Variants in SPRYD4 observed in about 807,000 individuals in gnomAD.
SPRYD4 encodes the protein SPRY domain containing 4.
Under a neutral mutation model 16.6 loss-of-function variants are expected in SPRYD4, and 12 were observed. That is an observed-to-expected ratio of 0.72 (90% CI 0.46 to 1.17). The LOEUF (loss-of-function observed/expected upper bound fraction) is 1.17, where lower values mean the gene tolerates loss of function less well. Among genes scored for constraint, SPRYD4 ranks in the 50% most tolerant of loss-of-function variants. SPRYD4 has a pLI of 0.00. For missense variants in SPRYD4, 260 were observed against 260.2 expected, an observed-to-expected ratio of 1.00 and a Z score of 0.00; for synonymous variants, 98 against 105.4, an observed-to-expected ratio of 0.93 and a Z score of 0.43.
rs1166734283 is a variant in SPRYD4, at chr12:56,472,975, T to G, written c.*3398T>G. Reference sequence around the variant, plus strand: ...CGCGGTCTTGGCTCACTGCAACCTCTGCCTCCCGGTTTCAAGCGATTCTCC... The same window carrying G: ...CGCGGTCTTGGCTCACTGCAACCTCGGCCTCCCGGTTTCAAGCGATTCTCC... On this transcript the variant is annotated 3_prime_UTR_variant, in exon 2 of 2. Transcript: ENST00000338146. 5.3e-6 allele frequency: 3 copies of G among 570,930 alleles called. No individual in the cohort carries two copies. Among genetic ancestry groups the G allele is most frequent in the Middle Eastern group, 4.7e-4 (1 of 2,132 alleles). The allele number at this position is 570,930 out of a possible 1,614,324, so 35.4% of individuals were successfully genotyped here.
rs997571511 is a variant in SPRYD4, at chr12:56,478,109, A to G, written c.*8532A>G. The G allele has an allele frequency of 6.2e-7, 1 of 1,614,044 alleles. No individual in the cohort carries two copies. The highest frequency in any genetic ancestry group is 8.5e-7 in the Non-Finnish European group (1 of 1,179,926). On this transcript the variant is annotated 3_prime_UTR_variant, in exon 2 of 2. Coordinates refer to ENST00000338146, the MANE Select transcript of SPRYD4 (RefSeq NM_207344.4). ...GCCCACAGAGTGCCTGGAGGCAGAC[A>G]GATGCCATGAAAGGGGTTGGCCTGT...
Position 56,469,466 on chromosome 12 carries a change from T to C in SPRYD4, c.513T>C (p.Ser171=), listed in dbSNP as rs1869145498. Residue 171 remains serine (S), a synonymous_variant, in exon 2 of 2, where the codon TCT becomes TCC. Transcript: ENST00000338146. ...GCCTGGTGGATGTGAGCCAGGTCTC[T>C]GTGGTTCACACGCTACAGACAGATT... is the stretch of plus-strand genomic sequence containing the variant. ...KLSLVDVSQV[S]VVHTLQTDFR... 9 of 1,613,974 alleles carry C rather than the reference T, an allele frequency of 5.6e-6. No individual in the cohort carries two copies. The highest frequency in any genetic ancestry group is 7.6e-6 in the Non-Finnish European group (9 of 1,179,996).
chr12:56,474,600 G>C lies in SPRYD4; in HGVS notation c.*5023G>C, dbSNP rs756449076. The C allele has an allele frequency of 5.6e-6, 9 of 1,614,200 alleles. No homozygotes were observed. The highest frequency in any genetic ancestry group is 8.5e-7 in the Non-Finnish European group (1 of 1,180,050). ...ATGCCGCAGGAATGCATGAGGCTGA[G>C]GGTGTTGCGCACTGCTTCAGCACTC... On this transcript the variant is annotated 3_prime_UTR_variant, in exon 2 of 2. Coordinates refer to ENST00000338146, the MANE Select transcript of SPRYD4 (RefSeq NM_207344.4).
Position 56,472,211 on chromosome 12 carries a change from A to C in SPRYD4, c.*2634A>C, listed in dbSNP as rs775978486. 1.9e-6 allele frequency: 3 copies of C among 1,612,858 alleles called. No individual in the cohort carries two copies. In the South Asian group the frequency reaches 3.3e-5, roughly 18 times the overall value. On this transcript the variant is annotated 3_prime_UTR_variant, in exon 2 of 2. Transcript: ENST00000338146. ...CAAGGCAAACCTGAGGGTAGTGGGA[A>C]AGCAGCTAGAGTTGCCTAGATCAGA...
At position 56,474,097 on chromosome 12, in the gene SPRYD4, T is replaced by C. The variant is rs974226399; in HGVS notation, c.*4520T>C. On this transcript the variant is annotated 3_prime_UTR_variant, in exon 2 of 2. Coordinates refer to ENST00000338146, the MANE Select transcript of SPRYD4 (RefSeq NM_207344.4). ...CTCTGGTTGTTTTTCTTTTTCTTTT[T>C]TTCTTTTTTTTTGAGATGGAGTTTT... 3 of 96,584 alleles carry C rather than the reference T, an allele frequency of 3.1e-5. No individual in the cohort carries two copies. The highest frequency in any genetic ancestry group is 6.9e-5 in the Non-Finnish European group (3 of 43,356). The allele number at this position is 96,584 out of a possible 1,614,324, so 6.0% of individuals were successfully genotyped here. A position where few individuals can be genotyped will look rare whatever the true frequency, so the allele number is the denominator to read the frequency against.
chr12:56,474,748 G>C lies in SPRYD4; in HGVS notation c.*5171G>C. ...ATGAAAACAAAGAATAGGTGAAGAT[G>C]TGACGTGAACCTGCACATGGGACCC... On this transcript the variant is annotated 3_prime_UTR_variant, in exon 2 of 2. Transcript: ENST00000338146. 1 of 1,609,920 alleles carries C rather than the reference G, an allele frequency of 6.2e-7. No homozygotes were observed. The highest frequency in any genetic ancestry group is 8.5e-7 in the Non-Finnish European group (1 of 1,177,230).
Position 56,468,638 on chromosome 12 carries a change from C to A in SPRYD4, c.47C>A (p.Ala16Asp). ...ARSLRLCRWGAKRLGVASTEA... is the reference protein window; with the variant it reads ...ARSLRLCRWGDKRLGVASTEA... ...TCTTTGCGCTTGTGCCGCTGGGGAG[C>A]CAAACGATTGGGAGTTGCCTCCACA... The change falls in exon 1 of 2, where the codon GCC (alanine) becomes GAC (aspartate). Residue 16 changes from alanine to aspartate, a missense_variant. Transcript: ENST00000338146. 1 of 1,614,076 alleles carries A rather than the reference C, an allele frequency of 6.2e-7. No homozygotes were observed. The highest frequency in any genetic ancestry group is 8.5e-7 in the Non-Finnish European group (1 of 1,179,978).
rs751517700 is a variant in SPRYD4 at position 56,474,810 on chromosome 12, G to T, written c.*5233G>T. On this transcript the variant is annotated 3_prime_UTR_variant, in exon 2 of 2. Coordinates refer to ENST00000338146, the MANE Select transcript of SPRYD4 (RefSeq NM_207344.4). The stretch of plus-strand genomic sequence containing the variant: ...GAAAGGGCAAGGGCAAGGACAGTCT[G>T]TCCTGTTCCCTCGGCCCTGAGCAGT... 2.0e-5 allele frequency: 33 copies of T among 1,613,400 alleles called. No individual in the cohort carries two copies. The highest frequency in any genetic ancestry group is 3.3e-5 in the Admixed American group (2 of 59,942).
rs1453267184 is a variant in SPRYD4, at chr12:56,471,847, G to A, written c.*2270G>A. ...CAACTTCGATGTGTCCTAGGAATAT[G>A]GGCAGAAGGAAAATGAGAAGGCGCA... On this transcript the variant is annotated 3_prime_UTR_variant, in exon 2 of 2. Coordinates refer to ENST00000338146, the MANE Select transcript of SPRYD4 (RefSeq NM_207344.4). 14 of 1,613,374 alleles carry A rather than the reference G, an allele frequency of 8.7e-6. No individual in the cohort carries two copies. The highest frequency in any genetic ancestry group is 1.2e-5 in the Non-Finnish European group (14 of 1,179,796).
In SPRYD4 at chr12:56,472,040, C is replaced by A. The variant is rs1565700521; in HGVS notation, c.*2463C>A. ...TGCTGCCCCTATAACCTTGAGGGCA[C>A]ATATAATGAAGGTACTTTTGGTGAA... On this transcript the variant is annotated 3_prime_UTR_variant, in exon 2 of 2. Coordinates refer to ENST00000338146, the MANE Select transcript of SPRYD4 (RefSeq NM_207344.4). The A allele has an allele frequency of 6.7e-7, 1 of 1,491,662 alleles. No individual in the cohort carries two copies. The highest frequency in any genetic ancestry group is 1.4e-5 in the African/African-American group (1 of 72,146). The allele number at this position is 1,491,662 out of a possible 1,614,324, so 92.4% of individuals were successfully genotyped here. A position where few individuals can be genotyped will look rare whatever the true frequency, so the allele number is the denominator to read the frequency against.
Position 56,476,142 on chromosome 12 carries a change from C to T in SPRYD4, c.*6565C>T, listed in dbSNP as rs1307581971. 7.9e-6 allele frequency: 5 copies of T among 629,202 alleles called. No individual in the cohort carries two copies. Among genetic ancestry groups the T allele is most frequent in the Non-Finnish European group, 1.4e-5 (5 of 360,476 alleles). 39.0% of individuals were successfully genotyped at this position (629,202 alleles called of 1,614,324 possible). ...TATCCTTCTGAAAACACCGCACTTC[C>T]ATTGGCTCCTCTCTTTCTCTTTCTT... is the stretch of plus-strand genomic sequence containing the variant. On this transcript the variant is annotated 3_prime_UTR_variant, in exon 2 of 2. Transcript: ENST00000338146.
In SPRYD4 at chr12:56,469,250, G is replaced by C. The variant is rs1869132515; in HGVS notation, c.297G>C (p.Gln99His). 6.2e-7 allele frequency: 1 copy of C among 1,614,020 alleles called. No individual in the cohort carries two copies. Among genetic ancestry groups the C allele is most frequent in the Non-Finnish European group, 8.5e-7 (1 of 1,179,898 alleles). Residue 99 changes from glutamine to histidine, a missense_variant, in exon 2 of 2, where the codon CAG becomes CAC. Gln to His is a conservative substitution (Grantham distance 24). Transcript: ENST00000338146. Reference sequence around the variant, plus strand: ...AAGTGACAGTGAAGCGCTCCCAGCAGTTCCGGATAGGAGTGGCAGATGTGG... The same window carrying C: ...AAGTGACAGTGAAGCGCTCCCAGCACTTCCGGATAGGAGTGGCAGATGTGG... The part of the protein sequence containing the change: ...YWEVTVKRSQ[Q>H]FRIGVADVDM...
chr12:56,474,855 G>C lies in SPRYD4; in HGVS notation c.*5278G>C. The C allele has an allele frequency of 1.2e-6, 2 of 1,614,192 alleles. No individual in the cohort carries two copies. Reference sequence around the variant, plus strand: ...AGCAGTGTTTTCTTACCTGGAAGTAGAGATCAAGGGCAGCCATCATGTCCA... The same window carrying C: ...AGCAGTGTTTTCTTACCTGGAAGTACAGATCAAGGGCAGCCATCATGTCCA... On this transcript the variant is annotated 3_prime_UTR_variant, in exon 2 of 2. Transcript: ENST00000338146.
At position 56,472,269 on chromosome 12, in the gene SPRYD4, T is replaced by C. The variant is rs1869352650; in HGVS notation, c.*2692T>C. On this transcript the variant is annotated 3_prime_UTR_variant, in exon 2 of 2. Transcript: ENST00000338146. ...CACAGGTGTTCTTTGTGAACTGGTGTCAGACTGGATGAGTTTCAGAGAAAG... is the reference window on the plus strand; with the variant it reads ...CACAGGTGTTCTTTGTGAACTGGTGCCAGACTGGATGAGTTTCAGAGAAAG... The C allele has an allele frequency of 7.4e-7, 1 of 1,345,074 alleles. No individual in the cohort carries two copies. The highest frequency in any genetic ancestry group is 1.1e-6 in the Non-Finnish European group (1 of 938,342). 83.3% of individuals were successfully genotyped at this position (1,345,074 alleles called of 1,614,324 possible).
rs909791952 is a variant in SPRYD4, at chr12:56,479,655, T to C, written c.*10078T>C. ...ATGATGAGTATTCATGTATAACTTA[T>C]GTAATAAGTAATAAAATAAAATGAG... On this transcript the variant is annotated 3_prime_UTR_variant, in exon 2 of 2. Transcript: ENST00000338146. The C allele has an allele frequency of 2.3e-5, 26 of 1,144,024 alleles. No homozygotes were observed. Among genetic ancestry groups the C allele is most frequent in the African/African-American group, 1.7e-4 (11 of 63,732 alleles). The allele number at this position is 1,144,024 out of a possible 1,614,324, so 70.9% of individuals were successfully genotyped here.
At position 56,477,639 on chromosome 12, in the gene SPRYD4, G is replaced by A; in HGVS notation, c.*8062G>A. The A allele has an allele frequency of 6.2e-7, 1 of 1,608,912 alleles. No individual in the cohort carries two copies. Among genetic ancestry groups the A allele is most frequent in the Non-Finnish European group, 8.5e-7 (1 of 1,176,450 alleles). Reference sequence around the variant, plus strand: ...GGAGCTTAGAGGATAATACCTATCAGAAGGTTAAGGTGGCACTGACCTTGA... The same window carrying A: ...GGAGCTTAGAGGATAATACCTATCAAAAGGTTAAGGTGGCACTGACCTTGA... On this transcript the variant is annotated 3_prime_UTR_variant, in exon 2 of 2. Coordinates refer to ENST00000338146, the MANE Select transcript of SPRYD4 (RefSeq NM_207344.4).
In SPRYD4 at chr12:56,475,120, A is replaced by T; in HGVS notation, c.*5543A>T. 6.2e-7 allele frequency: 1 copy of T among 1,613,934 alleles called. No homozygotes were observed. The highest frequency in any genetic ancestry group is 8.5e-7 in the Non-Finnish European group (1 of 1,180,018). The stretch of plus-strand genomic sequence containing the variant: ...CTTCTCTGACTGGAATCTGAAGCAA[A>T]CACCCAATTTAGTACTTGAAGTTGG... On this transcript the variant is annotated 3_prime_UTR_variant, in exon 2 of 2. Coordinates refer to ENST00000338146, the MANE Select transcript of SPRYD4 (RefSeq NM_207344.4).
chr12:56,477,860 AG>A lies in SPRYD4; in HGVS notation c.*8285del. ...ATCAGGAAGGGCAGAGAAACAAAAA[AG>A]GCTGGGAGATGGGGTGGGGATAAGG... is the stretch of plus-strand genomic sequence containing the variant. On this transcript the variant is annotated 3_prime_UTR_variant, in exon 2 of 2. Coordinates refer to ENST00000338146, the MANE Select transcript of SPRYD4 (RefSeq NM_207344.4). 1 of 1,559,822 alleles carries A rather than the reference AG, an allele frequency of 6.4e-7. No homozygotes were observed. The highest frequency in any genetic ancestry group is 2.3e-5 in the East Asian group (1 of 44,400).
Position 56,469,174 on chromosome 12 carries a change from G to C in SPRYD4, c.221G>C (p.Trp74Ser). The change falls in exon 2 of 2, where the codon TGG (tryptophan) becomes TCG (serine). Residue 74 changes from tryptophan to serine, a missense_variant. Trp to Ser is a radical substitution (Grantham distance 177). Coordinates refer to ENST00000338146, the MANE Select transcript of SPRYD4 (RefSeq NM_207344.4). ...TTGAATGTGGAGCGCTTCCGGGAGT[G>C]GGCAGTGGTGCTGGCAGACACAGCG... ...VALNVERFRE[W>S]AVVLADTAVT... 6.2e-7 allele frequency: 1 copy of C among 1,614,128 alleles called. No individual in the cohort carries two copies. Among genetic ancestry groups the C allele is most frequent in the Non-Finnish European group, 8.5e-7 (1 of 1,180,016 alleles).
Sources: gnomAD v4.1 joint callset for allele counts on GRCh38, gnomAD v4.1.1 for gene constraint, MANE v1.5 for transcripts, NCBI Gene and HGNC (gene_info 2026-07-23, HGNC 2026-07-21) for gene names.